The following KATNB1 variants were observed in gnomAD, a reference collection of about 807,000 sequenced individuals.
KATNB1 encodes katanin regulatory subunit B1.
A neutral mutation model predicts 82.3 loss-of-function variants in KATNB1; 38 were observed. The observed-to-expected ratio is 0.46, with a 90% CI of 0.36 to 0.61. KATNB1 has a LOEUF of 0.61. KATNB1 is among the 20% of genes least tolerant of loss of function. The pLI, the probability that KATNB1 is intolerant of heterozygous loss-of-function variation, is 0.00. For synonymous variants in KATNB1, 361 were observed against 368.7 expected (o/e 0.98, Z 0.24); for missense variants, 749 against 915.7 (o/e 0.82, Z 2.35).
chr16:57,755,631 C>CT, intron 16 of KATNB1, 137 bp downstream of exon 16: 1 of 1,174,564 alleles, frequency 8.5e-7, no homozygotes. Flanking sequence ...GTCACACCAT[C>CT]TGTTTCCGCC....
intron 12 of KATNB1, 98 bp downstream of exon 12, chr16:57,753,617 A>G: frequency 6.8e-7 from 1 of 1,474,770 alleles, no homozygotes; most frequent in African/African-American, 1.4e-5. Flanking sequence ...GCATCCCTTT[A>G]ACTTCCTCCT....
rs562745763 is a variant in KATNB1, at chr16:57,736,990, C to T, written c.-254C>T. ...GTTTGTATTGCAGCCCTGTATTGAGCTGAGATGGCTCGAGCCTAACATTCC... is the reference window on the plus strand; with the variant it reads ...GTTTGTATTGCAGCCCTGTATTGAGTTGAGATGGCTCGAGCCTAACATTCC... On this transcript the variant is annotated 5_prime_UTR_variant, in exon 2 of 20. Coordinates refer to ENST00000379661, the MANE Select transcript of KATNB1 (RefSeq NM_005886.3). 3.8e-5 allele frequency: 26 copies of T among 693,112 alleles called. No homozygotes were observed. The highest frequency in any genetic ancestry group is 6.6e-5 in the Non-Finnish European group (25 of 379,412). The allele number at this position is 693,112 out of a possible 1,614,324, so 42.9% of individuals were successfully genotyped here. A position where few individuals can be genotyped will look rare whatever the true frequency, so the allele number is the denominator to read the frequency against.
intron 4 of KATNB1, among the ~76,000 whole-genome samples, chr16:57,748,077 G>A (rs2049196453): frequency 2.0e-5 from 3 of 152,130 alleles, no homozygotes; most frequent in Admixed American, 6.5e-5. Context: ...TTGACAGATG[G>A]GCAAACAGAG....
At chr16:57,736,836 C>G (rs933740263) in intron 1 of KATNB1, 142 bp from the exon 2 acceptor site, 2 of 409,708 alleles carry the variant, frequency 4.9e-6, no homozygotes, top group Non-Finnish European at 9.6e-6. Flanking sequence ...CTGCAGATTC[C>G]CAAACCTAAT....
At chr16:57,750,719 T>C in intron 4 of KATNB1, 108 bp from the exon 5 acceptor site, 2 of 803,636 alleles carry the variant, frequency 2.5e-6, no homozygotes, top group Middle Eastern at 2.2e-4. Flanking sequence ...GTTCTATTTT[T>C]CTGTGCAGCT....
chr16:57,752,118 G>C, intron 8 of KATNB1, 63 bp downstream of exon 8: 1 of 1,039,022 alleles, frequency 9.6e-7, no homozygotes, highest in Non-Finnish European at 1.5e-6. Context: ...TGTCCTCTGT[G>C]CGTGTCTCTA....
Position 57,751,797 on chromosome 16 carries a change from C to T in KATNB1, c.516+73C>T, listed in dbSNP as rs2049230115. 13 of 1,479,146 alleles carry T rather than the reference C, an allele frequency of 8.8e-6. No homozygotes were observed. The highest frequency in any genetic ancestry group is 1.2e-5 in the Non-Finnish European group (13 of 1,067,340). The allele number at this position is 1,479,146 out of a possible 1,614,324, so 91.6% of individuals were successfully genotyped here. A position where few individuals can be genotyped will look rare whatever the true frequency, so the allele number is the denominator to read the frequency against. On this transcript the variant is annotated intron_variant, in intron 7 of 19. Transcript: ENST00000379661. This position sits in a 1 kb window ranked among gnomAD's most constrained non-coding sequence, Gnocchi z 6.3. Reference sequence around the variant, plus strand: ...CTGATCACAGCAGGCTGAGTCCTCACCTCCCTCCTGATCGGGCTCACATGT... The same window carrying T: ...CTGATCACAGCAGGCTGAGTCCTCATCTCCCTCCTGATCGGGCTCACATGT...
rs7191603 is a variant in KATNB1, at chr16:57,753,780, G to T, written c.1178-165G>T. On this transcript the variant is annotated intron_variant, in intron 12 of 19. Transcript: ENST00000379661. Reference sequence around the variant, plus strand: ...TCCCTGCCCTGCCAGGGACAAGTGGGCTGGGAGGGGCAGGACTGAGGGTTC... The same window carrying T: ...TCCCTGCCCTGCCAGGGACAAGTGGTCTGGGAGGGGCAGGACTGAGGGTTC... Among the ~76,000 whole-genome samples, 5,229 of 152,170 alleles carry T rather than the reference G, an allele frequency of 0.034. 314 individuals are homozygous for T. Among genetic ancestry groups the T allele is most frequent in the African/African-American group, 0.12 (4,961 of 41,490 alleles).
rs781997084 is a variant in KATNB1, at chr16:57,753,477, G to A, written c.1135G>A (p.Ala379Thr). 39 of 1,613,086 alleles carry A rather than the reference G, an allele frequency of 2.4e-5. No individual in the cohort carries two copies. The highest frequency in any genetic ancestry group is 3.0e-5 in the Non-Finnish European group (35 of 1,179,940). Reference sequence around the variant, plus strand: ...CGAGTCCCGCGCGGAGATCCAGAACGCCGAGGACTACAACGAGATCTTCCA... The same window carrying A: ...CGAGTCCCGCGCGGAGATCCAGAACACCGAGGACTACAACGAGATCTTCCA... ...ERESRAEIQNAEDYNEIFQPK... is the reference protein window; with the variant it reads ...ERESRAEIQNTEDYNEIFQPK... Residue 379 changes from alanine (A) to threonine (T), a missense_variant, in exon 12 of 20, where the codon GCC (alanine) becomes ACC (threonine). Coordinates refer to ENST00000379661, the MANE Select transcript of KATNB1 (RefSeq NM_005886.3).
At chr16:57,745,273 G>A (rs9929441) in intron 4 of KATNB1, among the ~76,000 whole-genome samples, 14,654 of 151,672 alleles carry the variant, frequency 0.097, 886 homozygotes, top group African/African-American at 0.16. Context: ...CAGCACTTTG[G>A]GAGGCCAAGG....
At chr16:57,753,627 T>TA (rs1247751757) in intron 12 of KATNB1, 108 bp downstream of exon 12, 1 of 1,416,520 alleles carries the variant, frequency 7.1e-7, no homozygotes, top group African/African-American at 1.4e-5. Context: ...AACTTCCTCC[T>TA]AACCCACACC....
chr16:57,755,809 G>A, intron 16 of KATNB1, 32 bp from the exon 17 acceptor site: 1 of 1,558,946 alleles, frequency 6.4e-7, no homozygotes, highest in Non-Finnish European at 8.7e-7. Flanking sequence ...GTCCCCCACT[G>A]CCCCACCCCT....
intron 10 of KATNB1, 66 bp from the exon 11 acceptor site, chr16:57,753,011 C>T: frequency 1.3e-6 from 2 of 1,590,124 alleles, no homozygotes; most frequent in Non-Finnish European, 8.5e-7. Flanking sequence ...CTCCTACCCC[C>T]ACACTGGGGC....
chr16:57,743,799 T>C (rs78934166), intron 3 of KATNB1, among the ~76,000 whole-genome samples: 4,235 of 152,242 alleles, frequency 0.028, 206 homozygotes, highest in African/African-American at 0.096. Flanking sequence ...TATTTTTGAG[T>C]ATGGGATACA....
chr16:57,753,323 C>T, intron 11 of KATNB1, 56 bp downstream of exon 11: 1 of 1,579,096 alleles, frequency 6.3e-7, no homozygotes, highest in South Asian at 1.1e-5. Context: ...CAGGGGAAGC[C>T]TCGGAGTTCC....
intron 4 of KATNB1, among the ~76,000 whole-genome samples, chr16:57,750,145 C>G (rs2049214298): frequency 6.6e-6 from 1 of 152,248 alleles, no homozygotes; most frequent in South Asian, 2.1e-4. Context: ...TGGTCTGTCT[C>G]TCTCCTTGCA....
Position 57,751,180 on chromosome 16 carries a change from C to G in KATNB1, c.391-81C>G. The stretch of plus-strand genomic sequence containing the variant: ...CCTAGAGAAGGCTGGGCCCCACCGT[C>G]TGCTCACGACTGCACACCTTCCTCC... On this transcript the variant is annotated intron_variant, in intron 5 of 19. Transcript: ENST00000379661. This position sits in a 1 kb window ranked among gnomAD's most constrained non-coding sequence, Gnocchi z 6.3. 1 of 1,355,864 alleles carries G rather than the reference C, an allele frequency of 7.4e-7. No homozygotes were observed. Among genetic ancestry groups the G allele is most frequent in the Non-Finnish European group, 1.1e-6 (1 of 946,076 alleles). The allele number at this position is 1,355,864 out of a possible 1,614,324, so 84.0% of individuals were successfully genotyped here. A position where few individuals can be genotyped will look rare whatever the true frequency, so the allele number is the denominator to read the frequency against.
At chr16:57,741,902 C>T in intron 3 of KATNB1, 85 bp downstream of exon 3, 1 of 1,456,580 alleles carries the variant, frequency 6.9e-7, no homozygotes, top group South Asian at 1.2e-5. Flanking sequence ...GAGTGAGCAG[C>T]TTCTCAGACT....
At chr16:57,746,527 GGA>G (rs2049185371) in intron 4 of KATNB1, among the ~76,000 whole-genome samples, 1 of 152,186 alleles carries the variant, frequency 6.6e-6, no homozygotes, top group Non-Finnish European at 1.5e-5. Context: ...TGGGCTGAGC[GGA>G]GAGTCTCGCC....
Sources: gnomAD v4.1 joint callset for allele counts (sites outside exome capture counted in the v4.1 genomes callset) on GRCh38, gnomAD v4.1.1 for gene constraint, Gnocchi (gnomAD v3.1) non-coding constraint, MANE v1.5 for transcripts, NCBI Gene and HGNC (gene_info 2026-07-23, HGNC 2026-07-21) for gene names.